Variants in DKK3 observed in about 807,000 individuals in gnomAD.
DKK3 encodes dickkopf Wnt signaling pathway inhibitor 3.
In DKK3, 22 loss-of-function variants were observed where a neutral mutation model predicts 33.2. That is an observed-to-expected ratio of 0.66 (90% CI 0.47 to 0.95). DKK3 has a LOEUF of 0.95. DKK3 is among the 40% of genes least tolerant of loss of function. The pLI, the probability that DKK3 is intolerant of heterozygous loss-of-function variation, is 0.00. For synonymous variants in DKK3, 194 were observed against 188.8 expected (o/e 1.03, Z -0.23); for missense variants, 398 against 458.4 (o/e 0.87, Z 1.20).
chr11:11,997,199 C>A (rs1488041732), intron 3 of DKK3, among the ~76,000 whole-genome samples: 2 of 152,240 alleles, frequency 1.3e-5, no homozygotes, highest in Admixed American at 6.5e-5. Context: ...CAGAGCACGG[C>A]TGTACCACTG....
chr11:11,984,359 A>G (rs1450094684), intron 3 of DKK3, among the ~76,000 whole-genome samples: 1 of 152,216 alleles, frequency 6.6e-6, no homozygotes, highest in Non-Finnish European at 1.5e-5. Context: ...TGCTGAGCAT[A>G]AATGCTATTT....
intron 3 of DKK3, among the ~76,000 whole-genome samples, chr11:11,994,306 G>A (rs1268925493): frequency 1.3e-5 from 2 of 151,854 alleles, no homozygotes; most frequent in Non-Finnish European, 2.9e-5. Context: ...TCTTGTGAAA[G>A]GGGGATTATT....
chr11:11,989,274 CA>C (rs1564918033), intron 3 of DKK3, among the ~76,000 whole-genome samples: 1 of 152,140 alleles, frequency 6.6e-6, no homozygotes, highest in Non-Finnish European at 1.5e-5. Context: ...GTGTTCATAG[CA>C]GCATTATTCA....
intron 3 of DKK3, among the ~76,000 whole-genome samples, chr11:11,994,073 C>A (rs570052447): frequency 5.2e-4 from 79 of 152,160 alleles, no homozygotes; most frequent in Non-Finnish European, 9.1e-4. Flanking sequence ...GAGAGCGAGG[C>A]AGGCTGCTGC....
intron 1 of DKK3, among the ~76,000 whole-genome samples, chr11:12,003,704 A>G (rs954666255): frequency 1.4e-4 from 21 of 152,294 alleles, no homozygotes; most frequent in African/African-American, 5.1e-4. Context: ...GCAATTTTCC[A>G]ACACTGCTAT....
rs538692974 is a variant in DKK3, at chr11:11,964,842, A to C, written c.831-156T>G. 5 of 1,410,904 alleles carry C rather than the reference A, an allele frequency of 3.5e-6. No homozygotes were observed. The African/African-American group carries it at 7.2e-5, about 20-fold the overall frequency. The allele number at this position is 1,410,904 out of a possible 1,614,324, so 87.4% of individuals were successfully genotyped here. On this transcript the variant is annotated intron_variant, in intron 6 of 6. Transcript: ENST00000683431. ...GACACTTCACTTCCCGTCAACATCTATCTTAAAATGATGGCTGAGGGAGGC... is the reference window on the plus strand; with the variant it reads ...GACACTTCACTTCCCGTCAACATCTCTCTTAAAATGATGGCTGAGGGAGGC...
At chr11:12,002,484 C>A in intron 1 of DKK3, 47 bp from the exon 2 acceptor site, 1 of 1,580,146 alleles carries the variant, frequency 6.3e-7, no homozygotes, top group Non-Finnish European at 8.6e-7. Flanking sequence ...TCTCTTGTTA[C>A]AAATGGGAGT....
At chr11:12,003,313 C>A (rs1472757491) in intron 1 of DKK3, among the ~76,000 whole-genome samples, 1 of 152,102 alleles carries the variant, frequency 6.6e-6, no homozygotes, top group Admixed American at 6.5e-5. Flanking sequence ...TCTTGGGTAC[C>A]CTTGTAGGAA....
intron 1 of DKK3, among the ~76,000 whole-genome samples, chr11:12,007,097 T>C (rs557625962): frequency 1.3e-5 from 2 of 152,258 alleles, no homozygotes; most frequent in Non-Finnish European, 2.9e-5. Flanking sequence ...CAGCTGCCCA[T>C]TTCACTGCCT....
intron 6 of DKK3, among the ~76,000 whole-genome samples, chr11:11,965,237 T>G (rs1847559962): frequency 6.6e-6 from 1 of 152,236 alleles, no homozygotes; most frequent in Non-Finnish European, 1.5e-5. Flanking sequence ...ATTACAGGTG[T>G]GAGCCACTGC....
At chr11:11,974,350 T>C (rs1847788395) in intron 3 of DKK3, among the ~76,000 whole-genome samples, 1 of 152,246 alleles carries the variant, frequency 6.6e-6, no homozygotes. Flanking sequence ...TAGTCCATTT[T>C]TGCTGCTATA....
At position 11,993,989 on chromosome 11, in the gene DKK3, C is replaced by T. The variant is rs372154558; in HGVS notation, c.435+4707G>A. Among the ~76,000 whole-genome samples the T allele has an allele frequency of 4.6e-5, 7 of 152,072 alleles. No homozygotes were observed. In the East Asian group the frequency reaches 7.7e-4, roughly 17 times the overall value. Reference sequence around the variant, plus strand: ...TCAACCTAGACATATAGGACAGGCACGGTTAGGAACAACAGCGGGATGAGT... The same window carrying T: ...TCAACCTAGACATATAGGACAGGCATGGTTAGGAACAACAGCGGGATGAGT... On this transcript the variant is annotated intron_variant, in intron 3 of 6. Coordinates refer to ENST00000683431, the MANE Select transcript of DKK3 (RefSeq NM_001018057.2).
intron 3 of DKK3, among the ~76,000 whole-genome samples, chr11:11,997,482 C>T (rs1191412460): frequency 6.6e-6 from 1 of 152,190 alleles, no homozygotes; most frequent in East Asian, 1.9e-4. Flanking sequence ...CCATCCCTGC[C>T]TTAGTTAACC....
intron 3 of DKK3, among the ~76,000 whole-genome samples, chr11:11,972,467 C>A (rs374489192): frequency 1.3e-5 from 2 of 152,204 alleles, no homozygotes; most frequent in Non-Finnish European, 2.9e-5. Context: ...GTATGTCCAC[C>A]CCAGGCAAGT....
intron 2 of DKK3, 71 bp downstream of exon 2, chr11:12,002,229 A>G (rs1246186351): frequency 2.7e-6 from 4 of 1,497,392 alleles, no homozygotes; most frequent in Non-Finnish European, 3.6e-6. Flanking sequence ...GAAAAAACAA[A>G]AACAAAAAAA....
upstream of DKK3, chr11:12,009,166 A>G: frequency 1.0e-6 from 1 of 977,502 alleles, no homozygotes; most frequent in Non-Finnish European, 1.2e-6. Context: ...GCCGCCCCTC[A>G]CCCACCCCGA....
chr11:11,973,934 T>G (rs1847778481), intron 3 of DKK3, among the ~76,000 whole-genome samples: 1 of 152,200 alleles, frequency 6.6e-6, no homozygotes, highest in Non-Finnish European at 1.5e-5. Flanking sequence ...ACCGCTTCTT[T>G]GGGACCCTTC....
chr11:12,008,576 G>T lies in DKK3; in HGVS notation c.7C>A (p.Arg3=), dbSNP rs1392757239. 5.5e-6 allele frequency: 8 copies of T among 1,459,988 alleles called. No homozygotes were observed. The highest frequency in any genetic ancestry group is 2.9e-5 in the African/African-American group (2 of 68,154). The allele number at this position is 1,459,988 out of a possible 1,614,324, so 90.4% of individuals were successfully genotyped here. A position where few individuals can be genotyped will look rare whatever the true frequency, so the allele number is the denominator to read the frequency against. ...AGGCACAGCAGGGTGGCCCCAAGCC[G>T]CTGCATCTCCGCTCTGCGCCCGCAG... MQ[R]LGATLLCLLL... is the part of the protein sequence containing the mutation. Residue 3 remains arginine, a synonymous_variant, in exon 1 of 7, where the codon CGG becomes AGG. Transcript: ENST00000683431. This position sits in a 1 kb window ranked among gnomAD's most constrained non-coding sequence, Gnocchi z 4.6.
chr11:11,965,110 T>C (rs1417005408), intron 6 of DKK3, among the ~76,000 whole-genome samples: 1 of 152,190 alleles, frequency 6.6e-6, no homozygotes, highest in South Asian at 2.1e-4. Context: ...GAAGAATTCC[T>C]TTTTTTAAAA....
Sources: allele counts gnomAD v4.1 joint callset (sites outside exome capture counted in the v4.1 genomes callset), GRCh38; gene constraint gnomAD v4.1.1; non-coding constraint Gnocchi (gnomAD v3.1); transcripts MANE v1.5; gene names NCBI Gene and HGNC (gene_info 2026-07-23, HGNC 2026-07-21).